The following MDM1 variants were observed in gnomAD, a reference collection of about 807,000 sequenced individuals.
MDM1 encodes Mdm1 nuclear protein.
In MDM1, 61 loss-of-function variants were observed where a neutral mutation model predicts 89.1. The observed-to-expected ratio is 0.68, with a 90% CI of 0.56 to 0.85. MDM1 has a LOEUF of 0.85. MDM1 is among the 40% of genes least tolerant of loss of function. The probability of loss-of-function intolerance (pLI) is 0.00; values close to 1 mark genes in which losing one functional copy is unlikely to be tolerated. For missense variants in MDM1, 820 were observed against 846.5 expected (o/e 0.97, Z 0.39); for synonymous variants, 290 against 294.1 (o/e 0.99, Z 0.14).
chr12:68,313,649 G>A lies in MDM1; in HGVS notation c.1634C>T (p.Ala545Val), dbSNP rs751598041. 6 of 1,613,484 alleles carry A rather than the reference G, an allele frequency of 3.7e-6. No individual in the cohort carries two copies. In the South Asian group the frequency reaches 4.4e-5, roughly 12 times the overall value. Residue 545 changes from alanine (A) to valine (V), a missense_variant, in exon 11 of 15, where the codon GCT becomes GTT. Physicochemically the swap from Ala to Val is moderately conservative, Grantham distance 64 (BLOSUM62 0). Coordinates refer to ENST00000682720, the MANE Select transcript of MDM1 (RefSeq NM_001354969.2). ...QRTHHDLTTPAVGGAVLVSPS... is the reference protein window; with the variant it reads ...QRTHHDLTTPVVGGAVLVSPS... The stretch of plus-strand genomic sequence containing the variant: ...GCACGGTGTTTGCCGATTACCAACA[G>A]CTGGAGTAGTGAGATCATGATGAGT...
At chr12:68,304,474 A>G (rs1480323975) in intron 12 of MDM1, among the ~76,000 whole-genome samples, 1 of 152,208 alleles carries the variant, frequency 6.6e-6, no homozygotes, top group Non-Finnish European at 1.5e-5. Flanking sequence ...GTCTCAACCA[A>G]TAAACATACT....
At position 68,314,967 on chromosome 12, in the gene MDM1, C is replaced by T; in HGVS notation, c.1510G>A (p.Ala504Thr). 6.2e-7 allele frequency: 1 copy of T among 1,613,868 alleles called. No individual in the cohort carries two copies. The highest frequency in any genetic ancestry group is 8.5e-7 in the Non-Finnish European group (1 of 1,179,826). The change falls in exon 10 of 15, where the codon GCA becomes ACA. Residue 504 changes from alanine (A) to threonine (T), a missense_variant. Ala to Thr is a moderately conservative substitution (Grantham distance 58, BLOSUM62 0). Transcript: ENST00000682720. ...TCTCACCCTTCTTTCATCTTATCTG[C>T]CTTAGATTTCTCACGTACATCCAAC... Reference protein sequence around the residue: ...EKLDVREKSKADKMKEGSDSS... With the variant: ...EKLDVREKSKTDKMKEGSDSS...
At chr12:68,316,499 T>C in intron 8 of MDM1, 82 bp downstream of exon 8, 1 of 1,201,352 alleles carries the variant, frequency 8.3e-7, no homozygotes, top group African/African-American at 1.5e-5. Flanking sequence ...CTAAGAAAAA[T>C]ATTGACACCT....
At chr12:68,304,008 T>G (rs955862897) in intron 12 of MDM1, among the ~76,000 whole-genome samples, 1 of 152,008 alleles carries the variant, frequency 6.6e-6, no homozygotes, top group Non-Finnish European at 1.5e-5. Context: ...GATACTTGGG[T>G]GGCCAAGGCA....
intron 4 of MDM1, chr12:68,325,218 C>T (rs1411155857): frequency 1.2e-5 from 14 of 1,144,382 alleles, no homozygotes; most frequent in African/African-American, 8.0e-5. Context: ...AGTATATGTG[C>T]TGCATCTGGC....
At position 68,323,226 on chromosome 12, in the gene MDM1, T is replaced by C; in HGVS notation, c.648A>G (p.Lys216=). The C allele has an allele frequency of 1.3e-6, 2 of 1,567,930 alleles. No homozygotes were observed. Among genetic ancestry groups the C allele is most frequent in the African/African-American group, 2.8e-5 (2 of 71,796 alleles). The part of the protein sequence containing the change: ...AFAANQVFHN[K]SQFVPPFKGN... ...CTTTGAATGGTGGAACAAACTGGCT[T>C]TTATTGTGGAAAACCTTAAAACAAA... Residue 216 remains lysine (K), a synonymous_variant, in exon 5 of 15, where the codon AAA becomes AAG. Coordinates refer to ENST00000682720, the MANE Select transcript of MDM1 (RefSeq NM_001354969.2).
At chr12:68,303,014 AG>A in intron 12 of MDM1, 142 bp from the exon 13 acceptor site, 1 of 761,602 alleles carries the variant, frequency 1.3e-6, no homozygotes, top group Non-Finnish European at 2.0e-6. Flanking sequence ...TATGTGGGGA[AG>A]ATATGATATA....
chr12:68,331,230 CA>C lies in MDM1; in HGVS notation c.19-10del. The C allele has an allele frequency of 7.0e-7, 1 of 1,426,484 alleles. No homozygotes were observed. The highest frequency in any genetic ancestry group is 1.1e-5 in the South Asian group (1 of 87,260). The allele number at this position is 1,426,484 out of a possible 1,614,324, so 88.4% of individuals were successfully genotyped here. ...TGGTATTCACTCAGCCCCTGTAATG[CA>C]AAGTACACTTTTGAGTACAGTCCAA... On this transcript the variant is annotated splice_polypyrimidine_tract_variant and intron_variant, in intron 1 of 14. Coordinates refer to ENST00000682720, the MANE Select transcript of MDM1 (RefSeq NM_001354969.2).
chr12:68,332,258 C>T lies in MDM1; in HGVS notation c.-13G>A, dbSNP rs949465941. 3 of 1,581,614 alleles carry T rather than the reference C, an allele frequency of 1.9e-6. No homozygotes were observed. Among genetic ancestry groups the T allele is most frequent in the Non-Finnish European group, 2.6e-6 (3 of 1,164,882 alleles). ...AGCGCACCGGCATGTCGCCCGGCGC[C>T]GGAGCCCCCGCTACTCCGACAGTTA... On this transcript the variant is annotated 5_prime_UTR_variant, in exon 1 of 15. Transcript: ENST00000682720.
In MDM1 at chr12:68,313,528, G is replaced by A; in HGVS notation, c.1664C>T (p.Ser555Phe). ...AVGGAVLVSP[S>F]KMKPPAPEQR... is the part of the protein sequence containing the mutation. ...TTCTGGGGCTGGAGGCTTCATCTTA[G>A]ATGGAGACACTAAAACAGCACCACC... The change falls in exon 12 of 15, where the codon TCT becomes TTT. Residue 555 changes from serine to phenylalanine, a missense_variant. By Grantham distance (155) the Ser-to-Phe change is radical (BLOSUM62 -2). Transcript: ENST00000682720. The A allele has an allele frequency of 1.2e-6, 2 of 1,613,940 alleles. No individual in the cohort carries two copies. Among genetic ancestry groups the A allele is most frequent in the East Asian group, 2.2e-5 (1 of 44,878 alleles).
intron 4 of MDM1, among the ~76,000 whole-genome samples, chr12:68,324,475 A>T (rs1875674170): frequency 6.6e-6 from 1 of 152,172 alleles, no homozygotes; most frequent in African/African-American, 2.4e-5. Context: ...AGGTATTTTA[A>T]AAATTGAATA....
At chr12:68,321,968 G>A (rs911182029) in intron 5 of MDM1, among the ~76,000 whole-genome samples, 17 of 152,080 alleles carry the variant, frequency 1.1e-4, no homozygotes, top group African/African-American at 2.9e-4. Flanking sequence ...TTACAATTGC[G>A]TTACAGTAAT....
intron 12 of MDM1, among the ~76,000 whole-genome samples, chr12:68,305,525 C>T (rs1020447507): frequency 1.3e-5 from 2 of 152,140 alleles, no homozygotes; most frequent in African/African-American, 4.8e-5. Context: ...AACAATCCCT[C>T]CAAAAGACCT....
intron 2 of MDM1, among the ~76,000 whole-genome samples, chr12:68,329,418 A>G (rs1290437556): frequency 2.0e-5 from 3 of 152,152 alleles, no homozygotes; most frequent in African/African-American, 7.2e-5. Flanking sequence ...GGCTTCAAAC[A>G]TCTAACATTT....
At chr12:68,330,857 A>C in intron 2 of MDM1, 1 of 472,904 alleles carries the variant, frequency 2.1e-6, no homozygotes, top group Non-Finnish European at 3.8e-6. Flanking sequence ...TCAGTACCGA[A>C]ACAGTTGTGA....
intron 12 of MDM1, among the ~76,000 whole-genome samples, chr12:68,311,245 C>G (rs1873642108): frequency 6.6e-6 from 1 of 152,144 alleles, no homozygotes; most frequent in Non-Finnish European, 1.5e-5. Flanking sequence ...GGCACACAAC[C>G]CTTCCTGACT....
Position 68,317,932 on chromosome 12 carries a change from T to C in MDM1, c.1006-1322A>G, listed in dbSNP as rs192137011. 1.5e-3 allele frequency among the ~76,000 whole-genome samples: 224 copies of C among 152,336 alleles called. 1 individual carries two copies. Among genetic ancestry groups the C allele is most frequent in the African/African-American group, 4.9e-3 (203 of 41,572 alleles). On this transcript the variant is annotated intron_variant, in intron 7 of 14. Transcript: ENST00000682720. ...TCCTCCTCTGTGTTCTCAGAGTTCTTTGGGCACATCCCCATTAATACATAT... is the reference window on the plus strand; with the variant it reads ...TCCTCCTCTGTGTTCTCAGAGTTCTCTGGGCACATCCCCATTAATACATAT...
Position 68,323,248 on chromosome 12 carries a change from C to A in MDM1, c.634-8G>T. On this transcript the variant is annotated splice_polypyrimidine_tract_variant and splice_region_variant and intron_variant, in intron 4 of 14. Coordinates refer to ENST00000682720, the MANE Select transcript of MDM1 (RefSeq NM_001354969.2). ...GCTTTTATTGTGGAAAACCTTAAAA[C>A]AAAAATTATTTTAGTTTAGTTTTGT... 6 of 1,530,714 alleles carry A rather than the reference C, an allele frequency of 3.9e-6. No individual in the cohort carries two copies. Among genetic ancestry groups the A allele is most frequent in the Non-Finnish European group, 5.2e-6 (6 of 1,145,520 alleles). 94.8% of individuals were successfully genotyped at this position (1,530,714 alleles called of 1,614,324 possible).
intron 12 of MDM1, among the ~76,000 whole-genome samples, chr12:68,308,950 TTCTG>T (rs1291728079): frequency 6.6e-6 from 1 of 152,174 alleles, no homozygotes; most frequent in African/African-American, 2.4e-5. Flanking sequence ...TTTCATCCAC[TTCTG>T]TCTATTCCTA....
Sources: allele counts gnomAD v4.1 joint callset (sites outside exome capture counted in the v4.1 genomes callset), GRCh38; gene constraint gnomAD v4.1.1; transcripts MANE v1.5; gene names NCBI Gene and HGNC (gene_info 2026-07-23, HGNC 2026-07-21).